The following DTNB variants were observed in gnomAD, a reference collection of about 807,000 sequenced individuals.
The protein encoded by DTNB is dystrobrevin beta.
A neutral mutation model predicts 90.7 loss-of-function variants in DTNB; 63 were observed. The observed-to-expected ratio is 0.69, with a 90% CI of 0.57 to 0.86. DTNB has a LOEUF of 0.86. DTNB is among the 40% of genes least tolerant of loss of function. The probability of loss-of-function intolerance (pLI) is 0.00; values close to 1 mark genes in which losing one functional copy is unlikely to be tolerated. For synonymous variants in DTNB, 277 were observed against 286.7 expected (o/e 0.97, Z 0.34); for missense variants, 744 against 807.1 (o/e 0.92, Z 0.95).
intron 16 of DTNB, among the ~76,000 whole-genome samples, chr2:25,401,981 CAAT>C (rs1168601843): frequency 2.0e-5 from 3 of 152,164 alleles, no homozygotes; most frequent in African/African-American, 7.2e-5. Flanking sequence ...AAACAAAAAA[CAAT>C]GATGGGAGAG....
chr2:25,624,019 C>T (rs1252353801), intron 4 of DTNB, among the ~76,000 whole-genome samples: 1 of 152,132 alleles, frequency 6.6e-6, no homozygotes, highest in African/African-American at 2.4e-5. Flanking sequence ...CAACACAGAC[C>T]TTAAGTCTGA....
At chr2:25,534,921 C>G (rs2079095459) in intron 8 of DTNB, among the ~76,000 whole-genome samples, 1 of 148,970 alleles carries the variant, frequency 6.7e-6, no homozygotes, top group Non-Finnish European at 1.5e-5. Context: ...CTCCCCACCT[C>G]CCAGATGAAG....
At chr2:25,458,292 G>T (rs947998091) in intron 10 of DTNB, among the ~76,000 whole-genome samples, 29 of 151,890 alleles carry the variant, frequency 1.9e-4, no homozygotes, top group African/African-American at 6.8e-4. Flanking sequence ...TTTTCACATT[G>T]AAAATCAGTC....
intron 4 of DTNB, 146 bp from the exon 5 acceptor site, chr2:25,607,467 T>G: frequency 1.3e-6 from 1 of 764,754 alleles, no homozygotes; most frequent in Non-Finnish European, 2.0e-6. Flanking sequence ...TGGATTTTTT[T>G]TTTTTCATTT....
intron 4 of DTNB, among the ~76,000 whole-genome samples, chr2:25,614,094 G>C (rs751439831): frequency 6.6e-6 from 1 of 152,072 alleles, no homozygotes; most frequent in Non-Finnish European, 1.5e-5. Context: ...AAGGCGATAC[G>C]ACCATTTGAA....
intron 9 of DTNB, 128 bp from the exon 10 acceptor site, chr2:25,483,001 G>GTAAGCAC: frequency 1.1e-6 from 1 of 945,140 alleles, no homozygotes; most frequent in Non-Finnish European, 1.5e-6. Context: ...GACCCATGGG[G>GTAAGCAC]AGGGGGGGGA....
rs1413544703 is a variant in DTNB, at chr2:25,424,266, C to T, written c.1554+3269G>A. On this transcript the variant is annotated intron_variant, in intron 15 of 20. Transcript: ENST00000406818. This position sits in a 1 kb window ranked among gnomAD's most constrained non-coding sequence, Gnocchi z 4.1. ...AGACGGGTAAATGATATTTAAGAAC[C>T]TGGCAGGGGATCCTACAGGGGCAGC... Among the ~76,000 whole-genome samples, 1 of 152,150 alleles carries T rather than the reference C, an allele frequency of 6.6e-6. No individual in the cohort carries two copies. Among genetic ancestry groups the T allele is most frequent in the Non-Finnish European group, 1.5e-5 (1 of 68,016 alleles).
intron 1 of DTNB, among the ~76,000 whole-genome samples, chr2:25,667,151 AAAAAG>A (rs1214729324): frequency 5.3e-5 from 8 of 152,116 alleles, no homozygotes; most frequent in African/African-American, 1.7e-4. Flanking sequence ...TAAAAAAAAA[AAAAAG>A]AAAAGAAAAC....
intron 16 of DTNB, among the ~76,000 whole-genome samples, chr2:25,400,663 C>T (rs898357201): frequency 2.0e-5 from 3 of 152,222 alleles, no homozygotes; most frequent in African/African-American, 7.2e-5. Flanking sequence ...GCAAGGGAAG[C>T]TCTGCAATGT....
intron 15 of DTNB, among the ~76,000 whole-genome samples, chr2:25,425,631 TC>T (rs891134872): frequency 6.6e-6 from 1 of 152,228 alleles, no homozygotes; most frequent in African/African-American, 2.4e-5. Context: ...CTCCACTTTA[TC>T]ACAAGATTAA....
intron 9 of DTNB, among the ~76,000 whole-genome samples, chr2:25,515,925 A>T (rs763447615): frequency 2.0e-5 from 3 of 152,192 alleles, no homozygotes; most frequent in African/African-American, 7.2e-5. Flanking sequence ...TGCAGGGTGT[A>T]CAGAAACTCT....
intron 1 of DTNB, among the ~76,000 whole-genome samples, chr2:25,663,084 C>T (rs1432001890): frequency 1.3e-5 from 2 of 151,918 alleles, no homozygotes; most frequent in African/African-American, 4.8e-5. Flanking sequence ...CCCAACAGGC[C>T]CCTGTGTGTG....
At chr2:25,666,746 G>C (rs2084539505) in intron 1 of DTNB, among the ~76,000 whole-genome samples, 1 of 152,098 alleles carries the variant, frequency 6.6e-6, no homozygotes, top group Non-Finnish European at 1.5e-5. Context: ...TGAAGCTCTA[G>C]GCTTGCTGGA....
At chr2:25,645,743 TA>T (rs1413342071) in intron 2 of DTNB, among the ~76,000 whole-genome samples, 2 of 151,966 alleles carry the variant, frequency 1.3e-5, no homozygotes, top group Non-Finnish European at 2.9e-5. Flanking sequence ...ACCTGGTCCT[TA>T]AAAAAAGATA....
chr2:25,464,156 G>A (rs923370684), intron 10 of DTNB, among the ~76,000 whole-genome samples: 5 of 152,186 alleles, frequency 3.3e-5, no homozygotes, highest in Admixed American at 2.6e-4. Flanking sequence ...TGATCTGCCC[G>A]CCTTGGCCTC....
chr2:25,581,476 C>T (rs2061539427), intron 6 of DTNB, among the ~76,000 whole-genome samples: 1 of 152,174 alleles, frequency 6.6e-6, no homozygotes, highest in Non-Finnish European at 1.5e-5. Context: ...TGTCCAAATG[C>T]CCATCACAAT....
At chr2:25,589,375 T>TC in intron 6 of DTNB, among the ~76,000 whole-genome samples, 1 of 105,140 alleles carries the variant, frequency 9.5e-6, no homozygotes. Flanking sequence ...TTCTTTTTTT[T>TC]TTTTTTTTTT....
chr2:25,460,574 G>A (rs755593047), intron 10 of DTNB, among the ~76,000 whole-genome samples: 3 of 152,082 alleles, frequency 2.0e-5, no homozygotes, highest in Non-Finnish European at 4.4e-5. Flanking sequence ...AAAACTAGGA[G>A]AGCATGATAT....
chr2:25,494,427 C>T (rs2068304244), intron 9 of DTNB, among the ~76,000 whole-genome samples: 1 of 135,546 alleles, frequency 7.4e-6, no homozygotes, highest in South Asian at 2.2e-4. Context: ...TTCAGGACTA[C>T]TAGCCTCAAA....
Sources: allele counts gnomAD v4.1 joint callset (sites outside exome capture counted in the v4.1 genomes callset), GRCh38; gene constraint gnomAD v4.1.1; non-coding constraint Gnocchi (gnomAD v3.1); transcripts MANE v1.5; gene names NCBI Gene and HGNC (gene_info 2026-07-23, HGNC 2026-07-21).